NEK1: variants seen among roughly 807,000 people sequenced by gnomAD.
The protein encoded by NEK1 is NIMA related kinase 1, also known as serine/threonine-protein kinase Nek1.
NEK1 carries 137 observed loss-of-function variants against 182.1 expected under a neutral mutation model. The observed-to-expected ratio is 0.75, with a 90% confidence interval of 0.65 to 0.87. The LOEUF (loss-of-function observed/expected upper bound fraction) is 0.87. Among genes scored for constraint, NEK1 ranks in the 40% least tolerant of loss-of-function variants. The pLI, the probability that NEK1 is intolerant of heterozygous loss-of-function variation, is 0.00. For missense variants in NEK1, 1,391 were observed against 1,494.4 expected, an observed-to-expected ratio of 0.93 and a Z score of 1.14; for synonymous variants, 513 against 492.2, an observed-to-expected ratio of 1.04 and a Z score of -0.56.
chr4:169,584,186 A>G lies in NEK1; in HGVS notation c.807+1163T>C, dbSNP rs1179069191. Among the ~76,000 whole-genome samples the G allele has an allele frequency of 2.6e-5, 4 of 152,170 alleles. No homozygotes were observed. In the East Asian group the frequency reaches 5.8e-4, roughly 22 times the overall value. On this transcript the variant is annotated intron_variant, in intron 10 of 35. Transcript: ENST00000507142. ...AAATTAAAATTCAGTTAAACTCAAC[A>G]AATATTATGCACCTACATGTGTGCA...
intron 19 of NEK1, among the ~76,000 whole-genome samples, chr4:169,536,183 G>T (rs1031533410): frequency 2.0e-5 from 3 of 151,568 alleles, no homozygotes; most frequent in South Asian, 4.2e-4. Flanking sequence ...TGTGATCTCA[G>T]CTACTTGGGA....
chr4:169,568,343 G>T (rs928415703), intron 12 of NEK1, among the ~76,000 whole-genome samples: 1 of 152,020 alleles, frequency 6.6e-6, no homozygotes, highest in African/African-American at 2.4e-5. Context: ...GAATAAATAA[G>T]CATCTTAAAA....
chr4:169,450,820 A>G (rs1741573629), intron 27 of NEK1, among the ~76,000 whole-genome samples: 1 of 152,194 alleles, frequency 6.6e-6, no homozygotes, highest in Admixed American at 6.5e-5. Context: ...TTAACCTTAA[A>G]TATAAATGGG....
Position 169,507,762 on chromosome 4 carries a change from C to G in NEK1, c.1864G>C (p.Gly622Arg). ...KEANHSEGQE[G>R]SEEADMRRKK... ...CGCCTCATGTCAGCCTCTTCACTTCCTTCTTGTCCTTCAGAATGATTAGCT... is the reference window on the plus strand; with the variant it reads ...CGCCTCATGTCAGCCTCTTCACTTCGTTCTTGTCCTTCAGAATGATTAGCT... Residue 622 changes from glycine to arginine, a missense_variant, in exon 22 of 36, where the codon GGA becomes CGA. Transcript: ENST00000507142. 6.2e-7 allele frequency: 1 copy of G among 1,612,996 alleles called. No homozygotes were observed. The highest frequency in any genetic ancestry group is 1.3e-5 in the African/African-American group (1 of 75,006).
intron 12 of NEK1, among the ~76,000 whole-genome samples, chr4:169,564,017 A>G (rs1763325991): frequency 1.3e-5 from 2 of 152,180 alleles, no homozygotes; most frequent in South Asian, 2.1e-4. Context: ...GGATTTCTGC[A>G]TATGTTCTTA....
chr4:169,600,716 A>G (rs548241886), intron 4 of NEK1, among the ~76,000 whole-genome samples: 19 of 152,316 alleles, frequency 1.2e-4, no homozygotes, highest in African/African-American at 4.3e-4. Flanking sequence ...GAAAACTATA[A>G]TTCACTATTT....
At chr4:169,500,516 C>T (rs185995499) in intron 23 of NEK1, among the ~76,000 whole-genome samples, 1 of 152,306 alleles carries the variant, frequency 6.6e-6, no homozygotes, top group East Asian at 1.9e-4. Flanking sequence ...TACACTGGAG[C>T]TGTTCCTATT....
intron 31 of NEK1, among the ~76,000 whole-genome samples, chr4:169,423,256 C>G (rs1051798454): frequency 6.6e-6 from 1 of 152,150 alleles, no homozygotes; most frequent in Non-Finnish European, 1.5e-5. Flanking sequence ...GCCCACACGA[C>G]CACGCCCAGC....
At chr4:169,451,337 T>TTC (rs1365930267) in intron 27 of NEK1, among the ~76,000 whole-genome samples, 4 of 152,180 alleles carry the variant, frequency 2.6e-5, no homozygotes, top group Admixed American at 2.6e-4. Flanking sequence ...ATATACATTC[T>TTC]TCTCAGCACC....
intron 35 of NEK1, among the ~76,000 whole-genome samples, chr4:169,397,360 A>T (rs34871174): frequency 0.17 from 25,988 of 152,162 alleles, 2,858 homozygotes; most frequent in South Asian, 0.31. Flanking sequence ...ATATCTAGTC[A>T]TTTCATTTAA....
At chr4:169,465,480 GA>G (rs1744754511) in intron 26 of NEK1, among the ~76,000 whole-genome samples, 1 of 152,020 alleles carries the variant, frequency 6.6e-6, no homozygotes, top group African/African-American at 2.4e-5. Context: ...TTCACAGAGA[GA>G]GAACTCAGGA....
chr4:169,595,539 A>T (rs1332001292), intron 5 of NEK1, among the ~76,000 whole-genome samples: 1 of 152,210 alleles, frequency 6.6e-6, no homozygotes, highest in Non-Finnish European at 1.5e-5. Context: ...TAATTGGACA[A>T]ATCAATTGTG....
chr4:169,474,860 G>A (rs1339670237), intron 26 of NEK1, among the ~76,000 whole-genome samples: 1 of 152,118 alleles, frequency 6.6e-6, no homozygotes, highest in Non-Finnish European at 1.5e-5. Flanking sequence ...CTAGATTAGT[G>A]CAATAGCCTC....
intron 27 of NEK1, among the ~76,000 whole-genome samples, chr4:169,459,122 G>A (rs1473406942): frequency 6.6e-6 from 1 of 150,700 alleles, no homozygotes; most frequent in Non-Finnish European, 1.5e-5. Flanking sequence ...ATTTGCAAAA[G>A]ACATATTTGA....
intron 12 of NEK1, among the ~76,000 whole-genome samples, chr4:169,570,235 G>A (rs1764503752): frequency 2.0e-5 from 3 of 151,830 alleles, no homozygotes; most frequent in South Asian, 4.2e-4. Flanking sequence ...CGTCTGAGAA[G>A]TGAGGAGACC....
chr4:169,521,528 C>G (rs1756047999), intron 19 of NEK1, among the ~76,000 whole-genome samples: 1 of 152,178 alleles, frequency 6.6e-6, no homozygotes, highest in African/African-American at 2.4e-5. Flanking sequence ...CTTGGTTCCT[C>G]CCCCTGCAAT....
At chr4:169,443,556 C>T (rs963974315) in intron 27 of NEK1, among the ~76,000 whole-genome samples, 1 of 151,464 alleles carries the variant, frequency 6.6e-6, no homozygotes, top group Non-Finnish European at 1.5e-5. Context: ...CCCAAATATT[C>T]AAATTTTGGG....
In NEK1 at chr4:169,479,467, G is replaced by A. The variant is rs534649967; in HGVS notation, c.2075C>T (p.Ser692Phe). ...PPLGQHETGG[S>F]PSKQQMRSVI... ...AGATCTCATCTGTTGCTTTGATGGAGAGCCACCTGTTTCATGCTGTCCCAA... is the reference window on the plus strand; with the variant it reads ...AGATCTCATCTGTTGCTTTGATGGAAAGCCACCTGTTTCATGCTGTCCCAA... Residue 692 changes from serine (S) to phenylalanine (F), a missense_variant, in exon 24 of 36, where the codon TCT (serine) becomes TTT (phenylalanine). Physicochemically the swap from Ser to Phe is radical, Grantham distance 155. Transcript: ENST00000507142. 4.3e-6 allele frequency: 7 copies of A among 1,611,880 alleles called. No homozygotes were observed. The East Asian group carries it at 1.1e-4, about 26-fold the overall frequency.
intron 29 of NEK1, among the ~76,000 whole-genome samples, chr4:169,427,368 C>T (rs1006342188): frequency 1.3e-5 from 2 of 152,086 alleles, no homozygotes; most frequent in South Asian, 2.1e-4. Context: ...CCTTGAGATC[C>T]GCCCGCCTCG....
Sources: allele counts gnomAD v4.1 joint callset (sites outside exome capture counted in the v4.1 genomes callset), GRCh38; gene constraint gnomAD v4.1.1; transcripts MANE v1.5; gene names NCBI Gene and HGNC (gene_info 2026-07-23, HGNC 2026-07-21).